Variants in NEMP2 observed in about 807,000 individuals in gnomAD.
NEMP2 encodes the protein nuclear envelope integral membrane protein 2, also known as UPF0571 transmembrane protein.
NEMP2 carries 53 observed loss-of-function variants against 54.2 expected under a neutral mutation model. That is an observed-to-expected ratio of 0.98 (90% CI 0.78 to 1.23). The LOEUF (loss-of-function observed/expected upper bound fraction) is 1.23, where lower values mean the gene tolerates loss of function less well. Among genes scored for constraint, NEMP2 ranks in the 50% most tolerant of loss-of-function variants. NEMP2 has a pLI of 0.00. For missense variants in NEMP2, 455 were observed against 511.3 expected (o/e 0.89, Z 1.06); for synonymous variants, 197 against 190.3 (o/e 1.04, Z -0.29).
the NEMP2 span, among the ~76,000 whole-genome samples, chr2:190,542,991 A>G: frequency 1.2e-4 from 18 of 152,292 alleles, no homozygotes; most frequent in East Asian, 3.3e-3. The surrounding 1 kb of genome is among the most constrained non-coding windows in gnomAD (Gnocchi z 4.6). Flanking sequence ...TACTTATTCC[A>G]GTCTTCTCTA....
the NEMP2 span, among the ~76,000 whole-genome samples, chr2:190,549,564 A>C: frequency 6.6e-6 from 1 of 152,176 alleles, no homozygotes; most frequent in Non-Finnish European, 1.5e-5. Flanking sequence ...TTTTTGAATA[A>C]TATTATCATG....
the NEMP2 span, among the ~76,000 whole-genome samples, chr2:190,562,132 G>GT: frequency 1.3e-5 from 2 of 152,190 alleles, no homozygotes; most frequent in South Asian, 4.1e-4. This position sits in a 1 kb window ranked among gnomAD's most constrained non-coding sequence, Gnocchi z 5.0. Flanking sequence ...AATCCAAATA[G>GT]TTTTTTCCCT....
rs1027073653 is a variant in NEMP2, at chr2:190,529,757, T to G, written c.98-4379A>C. On this transcript the variant is annotated intron_variant, in intron 1 of 8. Coordinates refer to ENST00000409150, the MANE Select transcript of NEMP2 (RefSeq NM_001142645.2). The surrounding 1 kb of genome is among the most constrained non-coding windows in gnomAD (Gnocchi z 4.7). ...AGTCCAGCCAATCTTTGTAAGAGCC[T>G]GGCCAGGAATAGTCAGCACCGTAAA... 6.6e-6 allele frequency among the ~76,000 whole-genome samples: 1 copy of G among 152,194 alleles called. No individual in the cohort carries two copies. Among genetic ancestry groups the G allele is most frequent in the Non-Finnish European group, 1.5e-5 (1 of 68,040 alleles).
the NEMP2 span, among the ~76,000 whole-genome samples, chr2:190,639,276 G>T: frequency 1.3e-5 from 2 of 151,990 alleles, no homozygotes; most frequent in South Asian, 4.2e-4. Flanking sequence ...TGCCTTGAGG[G>T]TCTACCATGT....
the NEMP2 span, among the ~76,000 whole-genome samples, chr2:190,576,468 G>A: frequency 1.3e-5 from 2 of 152,028 alleles, no homozygotes; most frequent in African/African-American, 4.8e-5. Context: ...TAAATGAAAC[G>A]GGAAACATCA....
chr2:190,514,309 C>G lies in NEMP2; in HGVS notation c.953+144G>C, dbSNP rs1159749261. Reference sequence around the variant, plus strand: ...GGATCAGATGCTTGGAGCTCTCTACCCCTACACCCCCAATCTTGCTCAGAA... The same window carrying G: ...GGATCAGATGCTTGGAGCTCTCTACGCCTACACCCCCAATCTTGCTCAGAA... On this transcript the variant is annotated intron_variant, in intron 7 of 8. Transcript: ENST00000409150. This position sits in a 1 kb window ranked among gnomAD's most constrained non-coding sequence, Gnocchi z 5.7. 11 of 786,886 alleles carry G rather than the reference C, an allele frequency of 1.4e-5. No individual in the cohort carries two copies. The South Asian group carries it at 1.9e-4, about 13-fold the overall frequency. 48.7% of individuals were successfully genotyped at this position (786,886 alleles called of 1,614,324 possible). A position where few individuals can be genotyped will look rare whatever the true frequency, so the allele number is the denominator to read the frequency against.
At chr2:190,635,722 C>T in the NEMP2 span, among the ~76,000 whole-genome samples, 2 of 151,990 alleles carry the variant, frequency 1.3e-5, no homozygotes, top group African/African-American at 4.8e-5. The surrounding 1 kb of genome is among the most constrained non-coding windows in gnomAD (Gnocchi z 4.1). Context: ...TCTCCTTGGG[C>T]ACAGGTAAGA....
At position 190,514,361 on chromosome 2, in the gene NEMP2, T is replaced by A; in HGVS notation, c.953+92A>T. ...GAAATCTCCAGATCAAATGTAATTA[T>A]GAGATTAACATGATGTGTGCAAACA... is the stretch of plus-strand genomic sequence containing the variant. On this transcript the variant is annotated intron_variant, in intron 7 of 8. Transcript: ENST00000409150. The surrounding 1 kb of genome is among the most constrained non-coding windows in gnomAD (Gnocchi z 5.7). 3 of 1,170,276 alleles carry A rather than the reference T, an allele frequency of 2.6e-6. No homozygotes were observed. Among genetic ancestry groups the A allele is most frequent in the Non-Finnish European group, 3.7e-6 (3 of 810,862 alleles). 72.5% of individuals were successfully genotyped at this position (1,170,276 alleles called of 1,614,324 possible). A position where few individuals can be genotyped will look rare whatever the true frequency, so the allele number is the denominator to read the frequency against.
At chr2:190,532,996 A>T (rs546983968) in intron 1 of NEMP2, among the ~76,000 whole-genome samples, 34 of 152,364 alleles carry the variant, frequency 2.2e-4, no homozygotes, top group Non-Finnish European at 4.1e-4. Flanking sequence ...ATAAGTATTT[A>T]TGTGTGTCTT....
At chr2:190,437,016 G>A in the NEMP2 span, 2 of 1,614,118 alleles carry the variant, frequency 1.2e-6, no homozygotes, top group Non-Finnish European at 1.7e-6. This position sits in a 1 kb window ranked among gnomAD's most constrained non-coding sequence, Gnocchi z 5.9. Context: ...TGCAGCGCAT[G>A]TGGGGCTCCC....
chr2:190,456,935 C>T, the NEMP2 span, among the ~76,000 whole-genome samples: 1 of 152,118 alleles, frequency 6.6e-6, no homozygotes, highest in South Asian at 2.1e-4. This position sits in a 1 kb window ranked among gnomAD's most constrained non-coding sequence, Gnocchi z 5.4. Context: ...TTTCCTCTTA[C>T]CCCAGTCTTC....
At chr2:190,567,867 T>A in the NEMP2 span, among the ~76,000 whole-genome samples, 1 of 152,294 alleles carries the variant, frequency 6.6e-6, no homozygotes, top group Admixed American at 6.5e-5. The surrounding 1 kb of genome is among the most constrained non-coding windows in gnomAD (Gnocchi z 4.0). Context: ...CAGGATGGTC[T>A]CGATCTCTTG....
At chr2:190,640,517 C>T in the NEMP2 span, among the ~76,000 whole-genome samples, 1 of 152,140 alleles carries the variant, frequency 6.6e-6, no homozygotes, top group Non-Finnish European at 1.5e-5. Flanking sequence ...AAGTTTTTGA[C>T]TACCACATAT....
downstream of NEMP2, chr2:190,500,069 T>C (rs1188882219): frequency 6.2e-7 from 1 of 1,614,194 alleles, no homozygotes; most frequent in Non-Finnish European, 8.5e-7. The surrounding 1 kb of genome is among the most constrained non-coding windows in gnomAD (Gnocchi z 5.3). Context: ...GCCTGTCCCA[T>C]GTGAGACTCA....
the NEMP2 span, among the ~76,000 whole-genome samples, chr2:190,431,834 ATACT>A: frequency 6.6e-6 from 1 of 152,210 alleles, no homozygotes; most frequent in Non-Finnish European, 1.5e-5. The surrounding 1 kb of genome is among the most constrained non-coding windows in gnomAD (Gnocchi z 4.4). Context: ...TTATGCTATA[ATACT>A]TATAAATTCC....
the NEMP2 span, among the ~76,000 whole-genome samples, chr2:190,478,557 C>G: frequency 9.9e-5 from 15 of 152,196 alleles, no homozygotes; most frequent in East Asian, 2.1e-3. Flanking sequence ...CTTTAAAGTC[C>G]GTGTGCTTAA....
the NEMP2 span, among the ~76,000 whole-genome samples, chr2:190,450,919 T>C: frequency 6.6e-6 from 1 of 152,108 alleles, no homozygotes; most frequent in Non-Finnish European, 1.5e-5. Context: ...CTCCTGCGCA[T>C]TGTGGTTGCT....
the NEMP2 span, among the ~76,000 whole-genome samples, chr2:190,596,508 C>G: frequency 6.6e-6 from 1 of 152,140 alleles, no homozygotes; most frequent in Non-Finnish European, 1.5e-5. The surrounding 1 kb of genome is among the most constrained non-coding windows in gnomAD (Gnocchi z 5.1). Context: ...GGACCTGTGC[C>G]CCATGTCAGG....
chr2:190,602,607 C>T, the NEMP2 span, among the ~76,000 whole-genome samples: 1 of 152,208 alleles, frequency 6.6e-6, no homozygotes, highest in Admixed American at 6.5e-5. Context: ...GCCCTTCAGT[C>T]ACCAGGAATC....
Sources: gnomAD v4.1 joint callset for allele counts (sites outside exome capture counted in the v4.1 genomes callset) on GRCh38, gnomAD v4.1.1 for gene constraint, Gnocchi (gnomAD v3.1) non-coding constraint, MANE v1.5 for transcripts, NCBI Gene and HGNC (gene_info 2026-07-23, HGNC 2026-07-21) for gene names.